METTL15: variants seen among roughly 807,000 people sequenced by gnomAD.
METTL15 encodes methyltransferase 15, mitochondrial 12S rRNA N4-cytidine.
A neutral mutation model predicts 38.3 loss-of-function variants in METTL15; 34 were observed. The ratio of observed to expected loss-of-function variants is 0.89; its 90% CI spans 0.68 to 1.18. The LOEUF is 1.18. METTL15 is among the 50% of genes most tolerant of loss of function. The pLI is 0.00. For synonymous variants in METTL15, 162 were observed against 170.9 expected (o/e 0.95, Z 0.41); for missense variants, 438 against 498.4 (o/e 0.88, Z 1.15).
chr11:28,219,573 T>G (rs183827330), intron 4 of METTL15, among the ~76,000 whole-genome samples: 45 of 152,312 alleles, frequency 3.0e-4, no homozygotes, highest in Admixed American at 2.3e-3. Flanking sequence ...AGTTCTGCTC[T>G]GATGTTAGTT....
intron 4 of METTL15, among the ~76,000 whole-genome samples, chr11:28,229,518 T>C (rs868556768): frequency 2.6e-5 from 4 of 151,966 alleles, no homozygotes; most frequent in African/African-American, 9.7e-5. Context: ...ATGAGACCTT[T>C]GGGGAAGTGA....
intron 5 of METTL15, among the ~76,000 whole-genome samples, chr11:28,395,892 T>A (rs912641810): frequency 5.3e-5 from 8 of 152,116 alleles, no homozygotes; most frequent in Non-Finnish European, 8.8e-5. Flanking sequence ...AAAAAGCTTA[T>A]CCACCATGAT....
intron 4 of METTL15, among the ~76,000 whole-genome samples, chr11:28,224,234 CTT>C (rs1445535037): frequency 6.6e-6 from 1 of 151,676 alleles, no homozygotes; most frequent in Non-Finnish European, 1.5e-5. Flanking sequence ...TTTTTGGACA[CTT>C]TCACTTTTTG....
downstream of METTL15, among the ~76,000 whole-genome samples, chr11:28,528,213 A>G (rs1189883992): frequency 6.6e-6 from 1 of 152,192 alleles, no homozygotes; most frequent in Non-Finnish European, 1.5e-5. Context: ...AATCTTACCC[A>G]GTGCAAAGCC....
chr11:28,159,715 A>C (rs1348973007), intron 3 of METTL15, among the ~76,000 whole-genome samples: 1 of 152,186 alleles, frequency 6.6e-6, no homozygotes, highest in East Asian at 1.9e-4. Context: ...ATCAGAATTT[A>C]AGTATCGTTA....
At chr11:28,431,318 G>A (rs912821079) in intron 6 of METTL15, among the ~76,000 whole-genome samples, 19 of 140,380 alleles carry the variant, frequency 1.4e-4, no homozygotes, top group South Asian at 2.3e-4. Context: ...GATGACAATG[G>A]CGGCTTTGTG....
At chr11:28,326,204 G>A (rs1013954680) in intron 6 of METTL15, among the ~76,000 whole-genome samples, 2 of 152,078 alleles carry the variant, frequency 1.3e-5, no homozygotes, top group Non-Finnish European at 2.9e-5. Context: ...TCAAGGGCGG[G>A]GACCATTTTT....
chr11:28,266,692 C>T (rs569162871), intron 4 of METTL15, among the ~76,000 whole-genome samples: 1 of 152,270 alleles, frequency 6.6e-6, no homozygotes, highest in Non-Finnish European at 1.5e-5. Flanking sequence ...CTACTGGTAC[C>T]ACCCTTGTGC....
chr11:28,121,767 A>G (rs1331256834), intron 3 of METTL15, among the ~76,000 whole-genome samples: 1 of 152,066 alleles, frequency 6.6e-6, no homozygotes, highest in East Asian at 1.9e-4. Context: ...TTTAAAGCAT[A>G]TCTTTGATAT....
At chr11:28,205,650 T>C (rs1852303454) in intron 3 of METTL15, among the ~76,000 whole-genome samples, 1 of 151,956 alleles carries the variant, frequency 6.6e-6, no homozygotes, top group South Asian at 2.1e-4. Context: ...TCAAATGGTA[T>C]TTCTAGTTCT....
At chr11:28,170,763 C>G (rs1338221174) in intron 3 of METTL15, among the ~76,000 whole-genome samples, 2 of 152,018 alleles carry the variant, frequency 1.3e-5, no homozygotes, top group East Asian at 3.9e-4. Context: ...GTGAGGAGGA[C>G]CAGAGGTCAT....
chr11:28,394,099 A>G (rs1457377608), intron 5 of METTL15, among the ~76,000 whole-genome samples: 1 of 152,020 alleles, frequency 6.6e-6, no homozygotes. Context: ...GTGCCTTATT[A>G]TTTTTGTGCG....
intron 6 of METTL15, among the ~76,000 whole-genome samples, chr11:28,304,318 A>G (rs1280565137): frequency 6.6e-6 from 1 of 152,176 alleles, no homozygotes; most frequent in Admixed American, 6.5e-5. Flanking sequence ...ATATCTTTCC[A>G]CAGTGGCATC....
chr11:28,336,137 T>C (rs1342547830), downstream of METTL15, among the ~76,000 whole-genome samples: 3 of 152,242 alleles, frequency 2.0e-5, no homozygotes, highest in East Asian at 1.9e-4. Flanking sequence ...GTTTTATTAT[T>C]TGGGAACTTC....
At chr11:28,313,089 A>G (rs1291611013) in intron 6 of METTL15, among the ~76,000 whole-genome samples, 3 of 152,126 alleles carry the variant, frequency 2.0e-5, no homozygotes, top group Non-Finnish European at 2.9e-5. Flanking sequence ...GAGTTATACA[A>G]AAACCTAGGT....
chr11:28,275,828 A>G (rs1855820913), intron 4 of METTL15, among the ~76,000 whole-genome samples: 1 of 152,122 alleles, frequency 6.6e-6, no homozygotes, highest in Admixed American at 6.5e-5. Context: ...TCACATCAAC[A>G]GAATGATGTA....
At chr11:28,272,404 T>A (rs1291550189) in intron 4 of METTL15, among the ~76,000 whole-genome samples, 1 of 152,128 alleles carries the variant, frequency 6.6e-6, no homozygotes, top group Non-Finnish European at 1.5e-5. Flanking sequence ...AAGGACGAGT[T>A]CATGTCCTTT....
intron 5 of METTL15, among the ~76,000 whole-genome samples, chr11:28,419,111 C>T (rs1850798190): frequency 6.6e-6 from 1 of 152,210 alleles, no homozygotes; most frequent in African/African-American, 2.4e-5. Context: ...GTATCACCTG[C>T]TGATTGTAGA....
At chr11:28,242,947 C>A in intron 4 of METTL15, among the ~76,000 whole-genome samples, 1 of 151,938 alleles carries the variant, frequency 6.6e-6, no homozygotes, top group Admixed American at 6.6e-5. Flanking sequence ...CGTCATTGAG[C>A]GAGTGTTCTT....
Sources: allele counts gnomAD v4.1 joint callset (sites outside exome capture counted in the v4.1 genomes callset), GRCh38; gene constraint gnomAD v4.1.1; transcripts MANE v1.5; gene names NCBI Gene and HGNC (gene_info 2026-07-23, HGNC 2026-07-21).